Variants in PACSIN2 observed in about 807,000 individuals in gnomAD.
The protein encoded by PACSIN2 is protein kinase C and casein kinase substrate in neurons protein 2.
A neutral mutation model predicts 63.8 loss-of-function variants in PACSIN2; 25 were observed. That is an observed-to-expected ratio of 0.39 (90% CI 0.29 to 0.55). The LOEUF is 0.55. PACSIN2 is among the 20% of genes least tolerant of loss of function. The pLI is 0.62. For synonymous variants in PACSIN2, 255 were observed against 256.2 expected, an observed-to-expected ratio of 1.00 and a Z score of 0.05; for missense variants, 518 against 646.9, an observed-to-expected ratio of 0.80 and a Z score of 2.16.
At chr22:42,962,655 A>T (rs1920926222) in intron 1 of PACSIN2, among the ~76,000 whole-genome samples, 1 of 151,738 alleles carries the variant, frequency 6.6e-6, no homozygotes, top group Non-Finnish European at 1.5e-5. Flanking sequence ...AGCCATTCAC[A>T]GTCCAAGTCA....
At chr22:42,957,974 T>C (rs976106000) in intron 1 of PACSIN2, among the ~76,000 whole-genome samples, 3 of 152,130 alleles carry the variant, frequency 2.0e-5, no homozygotes, top group Non-Finnish European at 4.4e-5. Flanking sequence ...GAAATGTCAA[T>C]GCTCTTTGTA....
intron 1 of PACSIN2, among the ~76,000 whole-genome samples, chr22:42,987,493 C>CACACACACACACACACACA: frequency 1.1e-5 from 1 of 91,358 alleles, no homozygotes; most frequent in Non-Finnish European, 2.1e-5. Context: ...CACACACACA[C>CACACACACACACACACACA]CCATGGCACC....
intron 1 of PACSIN2, among the ~76,000 whole-genome samples, chr22:42,974,330 CT>C (rs751922026): frequency 6.6e-6 from 1 of 152,200 alleles, no homozygotes; most frequent in Non-Finnish European, 1.5e-5. Context: ...GAGCATTCAC[CT>C]GTTAATTAGA....
intron 1 of PACSIN2, among the ~76,000 whole-genome samples, chr22:42,971,481 G>A (rs988417120): frequency 2.6e-5 from 4 of 152,220 alleles, no homozygotes; most frequent in African/African-American, 9.6e-5. Flanking sequence ...AAAGTGCCAA[G>A]AGTGCAGCCT....
chr22:42,972,222 T>G (rs1211539085), intron 1 of PACSIN2, among the ~76,000 whole-genome samples: 1 of 152,246 alleles, frequency 6.6e-6, no homozygotes, highest in Non-Finnish European at 1.5e-5. Flanking sequence ...TCCCGTGCTC[T>G]CTGAAACATG....
intron 1 of PACSIN2, among the ~76,000 whole-genome samples, chr22:42,989,772 G>T (rs1036662532): frequency 1.3e-5 from 2 of 151,050 alleles, no homozygotes; most frequent in East Asian, 3.9e-4. Context: ...CCGCATTCCA[G>T]CCTGGGCGAC....
intron 1 of PACSIN2, among the ~76,000 whole-genome samples, chr22:42,983,632 T>C (rs1046008865): frequency 6.6e-6 from 1 of 152,036 alleles, no homozygotes. Flanking sequence ...AATATATCAA[T>C]TTTTTGTTTT....
chr22:42,982,141 G>C (rs926557309), intron 1 of PACSIN2, among the ~76,000 whole-genome samples: 2 of 126,016 alleles, frequency 1.6e-5, no homozygotes, highest in African/African-American at 6.3e-5. Flanking sequence ...ACAGCCCCCC[G>C]CCCGGCCAGC....
At chr22:42,925,841 G>GCTGC (rs1318925255) in intron 1 of PACSIN2, among the ~76,000 whole-genome samples, 2 of 152,184 alleles carry the variant, frequency 1.3e-5, no homozygotes, top group Non-Finnish European at 2.9e-5. Flanking sequence ...AGGCCCTCCT[G>GCTGC]CTGCCTGACA....
intron 1 of PACSIN2, among the ~76,000 whole-genome samples, chr22:42,963,058 G>A (rs967664157): frequency 1.3e-5 from 2 of 152,170 alleles, no homozygotes; most frequent in African/African-American, 4.8e-5. Context: ...GCTGGCCTCT[G>A]GCATGCAGAG....
At position 42,883,760 on chromosome 22, in the gene PACSIN2, C is replaced by T. The variant is rs1929251676; in HGVS notation, c.785+626G>A. On this transcript the variant is annotated intron_variant, in intron 6 of 10. Coordinates refer to ENST00000263246, the MANE Select transcript of PACSIN2 (RefSeq NM_001184970.3). ...GTGGCTCACGCCTGTAATCCCAGCA[C>T]TTTGGAAGGCCGAGGTGGGCGGATC... 2.6e-5 allele frequency among the ~76,000 whole-genome samples: 4 copies of T among 152,218 alleles called. No individual in the cohort carries two copies. The South Asian group carries it at 6.2e-4, about 24-fold the overall frequency.
intron 2 of PACSIN2, among the ~76,000 whole-genome samples, chr22:42,909,221 G>C (rs774040998): frequency 6.6e-6 from 1 of 152,138 alleles, no homozygotes; most frequent in Non-Finnish European, 1.5e-5. Context: ...GACCTGCCTA[G>C]TGTCTACCTT....
chr22:42,885,154 A>C (rs1285938799), intron 5 of PACSIN2, among the ~76,000 whole-genome samples: 4 of 152,198 alleles, frequency 2.6e-5, no homozygotes, highest in African/African-American at 7.2e-5. Context: ...AAATGTTAAA[A>C]AGCAGGTGTG....
At chr22:42,965,434 G>C (rs1237996899) in intron 1 of PACSIN2, among the ~76,000 whole-genome samples, 1 of 152,148 alleles carries the variant, frequency 6.6e-6, no homozygotes, top group Non-Finnish European at 1.5e-5. Flanking sequence ...AAGAAGGCGG[G>C]AGAAGGAGGG....
At chr22:42,969,916 GAAAAAGAAAAA>G (rs1921119678) in intron 1 of PACSIN2, among the ~76,000 whole-genome samples, 1 of 89,498 alleles carries the variant, frequency 1.1e-5, no homozygotes, top group Non-Finnish European at 2.2e-5. Flanking sequence ...AAAAAAAAAA[GAAAAAGAAAAA>G]AAAAAGAAAA....
intron 1 of PACSIN2, among the ~76,000 whole-genome samples, chr22:42,971,644 G>T (rs964536520): frequency 6.6e-6 from 1 of 151,830 alleles, no homozygotes; most frequent in South Asian, 2.1e-4. Context: ...AGTGAGGAGC[G>T]TCTCTGCCCG....
intron 1 of PACSIN2, among the ~76,000 whole-genome samples, chr22:42,949,854 A>G (rs183920756): frequency 9.2e-5 from 14 of 152,368 alleles, no homozygotes; most frequent in East Asian, 5.8e-4. Flanking sequence ...GTAAATATCA[A>G]GCCAAGGAAA....
intron 1 of PACSIN2, among the ~76,000 whole-genome samples, chr22:42,961,564 G>A (rs1415423379): frequency 1.3e-5 from 2 of 152,106 alleles, no homozygotes; most frequent in African/African-American, 4.8e-5. Flanking sequence ...TTGAAGCCAG[G>A]AGTTTGAGAC....
chr22:42,890,841 T>C (rs1602191681), intron 4 of PACSIN2, 106 bp downstream of exon 4: 2 of 835,174 alleles, frequency 2.4e-6, no homozygotes, highest in Admixed American at 2.1e-5. Flanking sequence ...TCTGGCCTCC[T>C]GTGCCTACAG....
Sources: allele counts gnomAD v4.1 joint callset (sites outside exome capture counted in the v4.1 genomes callset), GRCh38; gene constraint gnomAD v4.1.1; transcripts MANE v1.5; gene names NCBI Gene and HGNC (gene_info 2026-07-23, HGNC 2026-07-21).